Variants in CEP128 observed in about 807,000 individuals in gnomAD.
The protein encoded by CEP128 is centrosomal protein 128.
Under a neutral mutation model 156.7 loss-of-function variants are expected in CEP128, and 132 were observed. The observed-to-expected ratio is 0.84, with a 90% CI of 0.73 to 0.97. The LOEUF (loss-of-function observed/expected upper bound fraction) is 0.97, where lower values mean the gene tolerates loss of function less well. Among genes scored for constraint, CEP128 ranks in the 50% least tolerant of loss-of-function variants. The pLI, the probability that CEP128 is intolerant of heterozygous loss-of-function variation, is 0.00. For missense variants in CEP128, 1,252 were observed against 1,281.9 expected, an observed-to-expected ratio of 0.98 and a Z score of 0.36; for synonymous variants, 469 against 448.9, an observed-to-expected ratio of 1.04 and a Z score of -0.57.
At chr14:80,747,705 G>T (rs1223261466) in intron 18 of CEP128, among the ~76,000 whole-genome samples, 3 of 152,198 alleles carry the variant, frequency 2.0e-5, no homozygotes, top group Non-Finnish European at 4.4e-5. Flanking sequence ...TACTCAGGAG[G>T]CTGAGGCAGG....
chr14:80,701,245 G>C (rs917782017), intron 19 of CEP128, among the ~76,000 whole-genome samples: 1 of 152,146 alleles, frequency 6.6e-6, no homozygotes, highest in Non-Finnish European at 1.5e-5. Flanking sequence ...AAGGGAAGTA[G>C]AGGCAGCTGA....
chr14:80,612,847 G>A (rs1211125616), intron 19 of CEP128, among the ~76,000 whole-genome samples: 2 of 151,664 alleles, frequency 1.3e-5, no homozygotes, highest in African/African-American at 4.8e-5. Flanking sequence ...TTTTGTTTTT[G>A]TTTTTGTTTT....
At chr14:80,708,163 T>C (rs1595258142) in intron 19 of CEP128, among the ~76,000 whole-genome samples, 2 of 152,178 alleles carry the variant, frequency 1.3e-5, no homozygotes, top group East Asian at 3.8e-4. Context: ...CTATTAAAGA[T>C]AGTGCCGCAT....
intron 6 of CEP128, among the ~76,000 whole-genome samples, chr14:80,904,577 TA>T (rs778228264): frequency 1.2e-4 from 18 of 152,134 alleles, no homozygotes; most frequent in Non-Finnish European, 1.5e-4. Flanking sequence ...ATTGCATACA[TA>T]TATTAAAACA....
intron 13 of CEP128, among the ~76,000 whole-genome samples, chr14:80,812,975 T>C (rs1404575317): frequency 6.6e-6 from 1 of 152,226 alleles, no homozygotes; most frequent in Non-Finnish European, 1.5e-5. Context: ...ATTAGTAATG[T>C]TGAGCATCTT....
chr14:80,700,595 C>T (rs1426580675), intron 19 of CEP128, among the ~76,000 whole-genome samples: 4 of 152,170 alleles, frequency 2.6e-5, no homozygotes, highest in African/African-American at 9.6e-5. Flanking sequence ...AGTAACTTTT[C>T]CTTTTGTCTT....
At chr14:80,599,688 GA>G (rs1892501084) in intron 19 of CEP128, among the ~76,000 whole-genome samples, 1 of 151,920 alleles carries the variant, frequency 6.6e-6, no homozygotes. Context: ...GGTCATACTA[GA>G]AAGCCCCGAT....
intron 13 of CEP128, among the ~76,000 whole-genome samples, chr14:80,814,311 C>G (rs1884724743): frequency 6.6e-6 from 1 of 152,042 alleles, no homozygotes; most frequent in Non-Finnish European, 1.5e-5. Flanking sequence ...ATTTACTATG[C>G]CCCATATATC....
At chr14:80,625,029 TTC>T (rs974763936) in intron 19 of CEP128, among the ~76,000 whole-genome samples, 2 of 152,344 alleles carry the variant, frequency 1.3e-5, no homozygotes, top group Admixed American at 1.3e-4. Flanking sequence ...TAGGTTTTCT[TTC>T]CCTGTAGTAA....
chr14:80,576,635 G>T (rs376337724), intron 20 of CEP128, among the ~76,000 whole-genome samples: 3 of 85,548 alleles, frequency 3.5e-5, no homozygotes, highest in Admixed American at 1.1e-4. Context: ...GTGTGTGTGT[G>T]TGTGTGTGTG....
At chr14:80,729,055 GGGGGTGTGTGT>G (rs1566880843) in intron 19 of CEP128, among the ~76,000 whole-genome samples, 11 of 89,930 alleles carry the variant, frequency 1.2e-4, no homozygotes, top group Non-Finnish European at 2.0e-5. Flanking sequence ...CTGGGCTGGT[GGGGGTGTGTGT>G]GTGTGTGTGT....
downstream of CEP128, among the ~76,000 whole-genome samples, chr14:80,487,619 G>C (rs564390737): frequency 4.6e-5 from 7 of 152,206 alleles, no homozygotes; most frequent in Non-Finnish European, 4.4e-5. Flanking sequence ...TGACCACATA[G>C]TTGGAAGTAA....
intron 19 of CEP128, among the ~76,000 whole-genome samples, chr14:80,682,112 C>CAA: frequency 6.6e-6 from 1 of 151,356 alleles, no homozygotes; most frequent in East Asian, 1.9e-4. Context: ...TTTCCCCCCA[C>CAA]AAAAAAATAA....
intron 2 of CEP128, among the ~76,000 whole-genome samples, chr14:80,936,315 G>C (rs1436024184): frequency 6.6e-6 from 1 of 152,116 alleles, no homozygotes; most frequent in Non-Finnish European, 1.5e-5. Flanking sequence ...CTGGGAGGTC[G>C]AGGCTGCAGT....
intron 19 of CEP128, among the ~76,000 whole-genome samples, chr14:80,714,315 C>G (rs1897522914): frequency 6.6e-6 from 1 of 152,030 alleles, no homozygotes. Context: ...CACACATACA[C>G]ACACACACAT....
At chr14:80,640,788 C>T (rs76237525) in intron 19 of CEP128, among the ~76,000 whole-genome samples, 3 of 152,112 alleles carry the variant, frequency 2.0e-5, no homozygotes, top group African/African-American at 4.8e-5. Context: ...GCTGATTTTA[C>T]GATCAAAATT....
chr14:80,494,796 T>G (rs754561839), downstream of CEP128, among the ~76,000 whole-genome samples: 1 of 152,158 alleles, frequency 6.6e-6, no homozygotes, highest in Non-Finnish European at 1.5e-5. Flanking sequence ...GCTATAGATT[T>G]TAGCTCTTTA....
chr14:80,614,045 A>G (rs1285270656), intron 19 of CEP128, among the ~76,000 whole-genome samples: 1 of 152,196 alleles, frequency 6.6e-6, no homozygotes, highest in Non-Finnish European at 1.5e-5. Context: ...TTATTTGACA[A>G]GACTAGATTT....
chr14:80,868,600 AAC>A (rs1887884619), intron 8 of CEP128, among the ~76,000 whole-genome samples: 1 of 152,162 alleles, frequency 6.6e-6, no homozygotes, highest in African/African-American at 2.4e-5. Context: ...GAAACTATAA[AAC>A]ATTCAGAAAA....
Sources: allele counts gnomAD v4.1 joint callset (sites outside exome capture counted in the v4.1 genomes callset), GRCh38; gene constraint gnomAD v4.1.1; transcripts MANE v1.5; gene names NCBI Gene and HGNC (gene_info 2026-07-23, HGNC 2026-07-21).